The following GNAQ variants were observed in gnomAD, a reference collection of about 807,000 sequenced individuals.
GNAQ encodes guanine nucleotide-binding protein G(q) subunit alpha.
GNAQ carries 8 observed loss-of-function variants against 43.9 expected under a neutral mutation model. The observed-to-expected ratio is 0.18, with a 90% CI of 0.11 to 0.33. The LOEUF is 0.33. GNAQ is among the 10% of genes least tolerant of loss of function. The pLI is 1.00. For synonymous variants in GNAQ, 155 were observed against 170.7 expected, an observed-to-expected ratio of 0.91 and a Z score of 0.71; for missense variants, 158 against 450.8, an observed-to-expected ratio of 0.35 and a Z score of 5.88.
intron 3 of GNAQ, among the ~76,000 whole-genome samples, chr9:77,800,005 A>G (rs1826716874): frequency 6.6e-6 from 1 of 152,244 alleles, no homozygotes; most frequent in Non-Finnish European, 1.5e-5. Flanking sequence ...ATGATCACGG[A>G]GTCCTCTGAT....
At chr9:77,998,034 T>C (rs959924287) in intron 1 of GNAQ, among the ~76,000 whole-genome samples, 1 of 152,110 alleles carries the variant, frequency 6.6e-6, no homozygotes, top group South Asian at 2.1e-4. Flanking sequence ...TCCTCCTCCT[T>C]TCTTCCCCAC....
intron 2 of GNAQ, among the ~76,000 whole-genome samples, chr9:77,839,721 T>C (rs1009328881): frequency 3.9e-5 from 6 of 152,250 alleles, no homozygotes; most frequent in Admixed American, 1.3e-4. Flanking sequence ...AGCGTGGCTA[T>C]ACTTTAACTT....
chr9:77,807,386 C>T, intron 3 of GNAQ, among the ~76,000 whole-genome samples: 1 of 152,162 alleles, frequency 6.6e-6, no homozygotes, highest in East Asian at 1.9e-4. Context: ...CTATGAAACC[C>T]TCTCATCAGC....
intron 5 of GNAQ, among the ~76,000 whole-genome samples, chr9:77,749,488 C>G (rs77188630): frequency 6.6e-6 from 1 of 152,160 alleles, no homozygotes. Flanking sequence ...TGTACAGGAA[C>G]AAGTTTTTGC....
At chr9:77,802,225 G>A (rs1826754372) in intron 3 of GNAQ, among the ~76,000 whole-genome samples, 1 of 151,858 alleles carries the variant, frequency 6.6e-6, no homozygotes, top group Non-Finnish European at 1.5e-5. Flanking sequence ...TGCCAAGAAG[G>A]GATCAAAGAG....
At chr9:78,020,563 G>A (rs1371425466) in intron 1 of GNAQ, among the ~76,000 whole-genome samples, 2 of 152,164 alleles carry the variant, frequency 1.3e-5, no homozygotes, top group Non-Finnish European at 2.9e-5. Flanking sequence ...ATGTGACAAT[G>A]AGGATGAAAA....
intron 5 of GNAQ, among the ~76,000 whole-genome samples, chr9:77,769,253 T>G (rs1826181594): frequency 6.6e-6 from 1 of 151,992 alleles, no homozygotes; most frequent in Non-Finnish European, 1.5e-5. Flanking sequence ...CATAAAAATA[T>G]TAGCCAGGGG....
At chr9:77,748,520 C>T (rs1825764744) in intron 5 of GNAQ, among the ~76,000 whole-genome samples, 1 of 152,170 alleles carries the variant, frequency 6.6e-6, no homozygotes, top group Non-Finnish European at 1.5e-5. Context: ...GCATAAATTG[C>T]CTCCCATTAA....
At chr9:77,941,888 C>A (rs1425280852) in intron 1 of GNAQ, among the ~76,000 whole-genome samples, 1 of 145,038 alleles carries the variant, frequency 6.9e-6, no homozygotes, top group Non-Finnish European at 1.5e-5. Context: ...CGAAAATGTG[C>A]ACTTACATAC....
At chr9:77,914,357 C>T (rs1258503637) in intron 2 of GNAQ, among the ~76,000 whole-genome samples, 1 of 152,108 alleles carries the variant, frequency 6.6e-6, no homozygotes, top group Non-Finnish European at 1.5e-5. Context: ...TCCATAGATT[C>T]CTTTAGACTA....
chr9:77,958,714 G>C (rs1298339158), intron 1 of GNAQ, among the ~76,000 whole-genome samples: 2 of 152,172 alleles, frequency 1.3e-5, no homozygotes, highest in African/African-American at 4.8e-5. Context: ...CAAACAGGCA[G>C]GTGAAGCAAA....
intron 1 of GNAQ, among the ~76,000 whole-genome samples, chr9:78,013,103 A>T (rs1823793824): frequency 6.6e-6 from 1 of 152,220 alleles, no homozygotes; most frequent in African/African-American, 2.4e-5. Context: ...GAGGAAGAAC[A>T]GAATAAAGGA....
chr9:78,000,959 C>T (rs1278507031), intron 1 of GNAQ, among the ~76,000 whole-genome samples: 4 of 152,190 alleles, frequency 2.6e-5, no homozygotes, highest in Non-Finnish European at 5.9e-5. Flanking sequence ...AAAAACATAA[C>T]TTTGCAGTAA....
intron 1 of GNAQ, among the ~76,000 whole-genome samples, chr9:77,986,429 T>G (rs1823436490): frequency 6.6e-6 from 1 of 152,178 alleles, no homozygotes; most frequent in Non-Finnish European, 1.5e-5. Flanking sequence ...AGCTCAAACC[T>G]TAAGCCTCAG....
intron 2 of GNAQ, among the ~76,000 whole-genome samples, chr9:77,834,887 G>C (rs1827358716): frequency 1.3e-5 from 2 of 152,130 alleles, no homozygotes; most frequent in Non-Finnish European, 2.9e-5. Flanking sequence ...TGAATTCAAT[G>C]AGTTTCAAGT....
chr9:77,761,866 C>A (rs1181824638), intron 5 of GNAQ, among the ~76,000 whole-genome samples: 1 of 81,454 alleles, frequency 1.2e-5, no homozygotes, highest in Non-Finnish European at 2.6e-5. Context: ...GTCAGCCCCC[C>A]GCCTGGCCAG....
chr9:77,770,246 A>C (rs1328631553), intron 5 of GNAQ, among the ~76,000 whole-genome samples: 1 of 152,214 alleles, frequency 6.6e-6, no homozygotes, highest in Non-Finnish European at 1.5e-5. Context: ...AAGAGGAGAA[A>C]GAACACAACA....
At chr9:77,812,523 A>C (rs1159063755) in intron 3 of GNAQ, among the ~76,000 whole-genome samples, 2 of 152,208 alleles carry the variant, frequency 1.3e-5, no homozygotes, top group Non-Finnish European at 2.9e-5. Flanking sequence ...AATCTAGGCC[A>C]ATCTCTTGAA....
At chr9:77,821,706 T>C (rs1483031175) in intron 2 of GNAQ, among the ~76,000 whole-genome samples, 1 of 149,276 alleles carries the variant, frequency 6.7e-6, no homozygotes, top group East Asian at 2.0e-4. Flanking sequence ...AATTATGATG[T>C]TGTACTATCC....
Sources: allele counts gnomAD v4.1 joint callset (sites outside exome capture counted in the v4.1 genomes callset), GRCh38; gene constraint gnomAD v4.1.1; transcripts MANE v1.5; gene names NCBI Gene and HGNC (gene_info 2026-07-23, HGNC 2026-07-21).